PPP1R9A: variants seen among roughly 807,000 people sequenced by gnomAD.
PPP1R9A encodes protein phosphatase 1 regulatory subunit 9A.
Under a neutral mutation model 141.9 loss-of-function variants are expected in PPP1R9A, and 59 were observed. The ratio of observed to expected loss-of-function variants is 0.42; its 90% CI spans 0.34 to 0.52. PPP1R9A has a LOEUF of 0.52. Ranked by LOEUF, PPP1R9A falls within the 20% of genes least tolerant of loss-of-function variation. The probability of loss-of-function intolerance (pLI) is 0.10; values close to 1 mark genes in which losing one functional copy is unlikely to be tolerated. For synonymous variants in PPP1R9A, 500 were observed against 569.7 expected (o/e 0.88, Z 1.74); for missense variants, 1,444 against 1,611.9 (o/e 0.90, Z 1.78).
rs1373125922 is a variant in PPP1R9A, at chr7:94,935,480, G to A, written c.1395+23972G>A. 2.0e-5 allele frequency among the ~76,000 whole-genome samples: 3 copies of A among 152,156 alleles called. No individual in the cohort carries two copies. The East Asian group carries it at 5.8e-4, about 29-fold the overall frequency. ...GAAAATCATAAAGCTATTAACGTAT[G>A]CAGGGCCCCTGAAAGACCACATTGT... On this transcript the variant is annotated intron_variant, in intron 2 of 19. Transcript: ENST00000433360.
In PPP1R9A at chr7:95,041,658, G is replaced by T. The variant is rs967178377; in HGVS notation, c.1396-69601G>T. Among the ~76,000 whole-genome samples the T allele has an allele frequency of 4.6e-5, 7 of 151,922 alleles. No individual in the cohort carries two copies. In the East Asian group the frequency reaches 1.4e-3, roughly 29 times the overall value. ...AGTTTTCTTTTATTTGTAGTTTCTC[G>T]TAACTAGAAATCTCATGCTTTTCTG... On this transcript the variant is annotated intron_variant, in intron 2 of 19. Coordinates refer to ENST00000433360, the MANE Select transcript of PPP1R9A (RefSeq NM_001166160.2).
At chr7:95,273,471 G>A (rs1043540933) in intron 14 of PPP1R9A, among the ~76,000 whole-genome samples, 21 of 152,146 alleles carry the variant, frequency 1.4e-4, no homozygotes, top group South Asian at 2.1e-4. Flanking sequence ...TTGGAGATAC[G>A]GGAGAAGTGG....
rs539492736 is a variant in PPP1R9A at position 94,976,250 on chromosome 7, C to CA, written c.1395+64747dup. On this transcript the variant is annotated intron_variant, in intron 2 of 19. Coordinates refer to ENST00000433360, the MANE Select transcript of PPP1R9A (RefSeq NM_001166160.2). ...AAATTATTAATAACATAAAATAATACAAAAATTATTACGGCATTGTTTATT... is the reference window on the plus strand; with the variant it reads ...AAATTATTAATAACATAAAATAATACAAAAAATTATTACGGCATTGTTTATT... 5.2e-3 allele frequency among the ~76,000 whole-genome samples: 789 copies of CA among 151,780 alleles called. 7 individuals are homozygous for CA. Among genetic ancestry groups the CA allele is most frequent in the African/African-American group, 0.018 (738 of 41,418 alleles).
intron 2 of PPP1R9A, among the ~76,000 whole-genome samples, chr7:95,104,426 A>G (rs1331181550): frequency 6.6e-6 from 1 of 152,154 alleles, no homozygotes; most frequent in African/African-American, 2.4e-5. Flanking sequence ...TGTTTTTTGC[A>G]CCTTCCAGTT....
Position 95,219,946 on chromosome 7 carries a change from T to G in PPP1R9A, c.1957-6015T>G, listed in dbSNP as rs568463613. ...GAGAAATAAGGGATGGTGAAAACAA[T>G]CATAATCATAACGTCATGCAGTCAG... On this transcript the variant is annotated intron_variant, in intron 7 of 19. Coordinates refer to ENST00000433360, the MANE Select transcript of PPP1R9A (RefSeq NM_001166160.2). Among the ~76,000 whole-genome samples, 185 of 152,224 alleles carry G rather than the reference T, an allele frequency of 1.2e-3. 4 individuals carry two copies. The South Asian group carries it at 0.038, about 31-fold the overall frequency.
At chr7:94,911,764 G>A (rs1028284461) in intron 2 of PPP1R9A, among the ~76,000 whole-genome samples, 2 of 152,188 alleles carry the variant, frequency 1.3e-5, no homozygotes, top group Non-Finnish European at 2.9e-5. Context: ...CGGGAATTGT[G>A]AGATACGTTC....
At chr7:95,010,625 TG>T (rs1390017631) in intron 2 of PPP1R9A, among the ~76,000 whole-genome samples, 1 of 152,142 alleles carries the variant, frequency 6.6e-6, no homozygotes, top group African/African-American at 2.4e-5. Flanking sequence ...ATATTGAAAA[TG>T]TATGTTAGCA....
At chr7:95,110,899 T>C (rs995588595) in intron 2 of PPP1R9A, among the ~76,000 whole-genome samples, 3 of 152,158 alleles carry the variant, frequency 2.0e-5, no homozygotes, top group Non-Finnish European at 2.9e-5. Flanking sequence ...AGGTATTTGC[T>C]TAGGTAGCTT....
intron 2 of PPP1R9A, among the ~76,000 whole-genome samples, chr7:95,097,576 A>C (rs770619990): frequency 6.6e-6 from 1 of 152,218 alleles, no homozygotes; most frequent in East Asian, 1.9e-4. Context: ...GATATGATAC[A>C]TACATATGTG....
intron 2 of PPP1R9A, among the ~76,000 whole-genome samples, chr7:94,993,990 G>T (rs1387058332): frequency 6.6e-6 from 1 of 152,132 alleles, no homozygotes; most frequent in East Asian, 1.9e-4. Context: ...CCATTACAAG[G>T]TTTATGGCTG....
intron 2 of PPP1R9A, among the ~76,000 whole-genome samples, chr7:95,062,347 A>T (rs547253859): frequency 3.9e-5 from 6 of 152,264 alleles, no homozygotes; most frequent in Non-Finnish European, 7.4e-5. Context: ...TGTGAAAGAG[A>T]ACCCAAAATG....
intron 5 of PPP1R9A, among the ~76,000 whole-genome samples, chr7:95,192,707 T>C (rs1835684234): frequency 6.6e-6 from 1 of 152,214 alleles, no homozygotes; most frequent in African/African-American, 2.4e-5. Flanking sequence ...ATTTATAGTT[T>C]GGTGGATTTG....
chr7:94,971,283 G>A (rs771004908), intron 2 of PPP1R9A, among the ~76,000 whole-genome samples: 8 of 152,228 alleles, frequency 5.3e-5, no homozygotes, highest in Admixed American at 1.3e-4. Context: ...TAATCCTCAG[G>A]TAGTCAGCCA....
At chr7:95,246,406 C>T (rs946935522) in intron 8 of PPP1R9A, among the ~76,000 whole-genome samples, 6 of 152,154 alleles carry the variant, frequency 3.9e-5, no homozygotes, top group South Asian at 2.1e-4. Context: ...AAATCCAAAA[C>T]GCTCCCAGTC....
chr7:94,971,054 A>G (rs1798804773), intron 2 of PPP1R9A, among the ~76,000 whole-genome samples: 2 of 152,140 alleles, frequency 1.3e-5, no homozygotes, highest in South Asian at 4.1e-4. Context: ...ACTTGGGGAT[A>G]GTCTGTCTTC....
chr7:95,039,573 TA>T (rs1191074408), intron 2 of PPP1R9A, among the ~76,000 whole-genome samples: 5 of 148,668 alleles, frequency 3.4e-5, no homozygotes, highest in African/African-American at 1.0e-4. Flanking sequence ...AAAAAAAAAG[TA>T]TTAAAAGGAA....
intron 8 of PPP1R9A, among the ~76,000 whole-genome samples, chr7:95,245,002 G>C (rs1392108545): frequency 6.6e-6 from 1 of 152,158 alleles, no homozygotes; most frequent in Non-Finnish European, 1.5e-5. Context: ...AATTCAAGCA[G>C]TCTAAGTTAA....
At chr7:95,255,922 T>C (rs1799520819) in intron 12 of PPP1R9A, among the ~76,000 whole-genome samples, 1 of 152,110 alleles carries the variant, frequency 6.6e-6, no homozygotes. Context: ...TAGTCACTTG[T>C]AGGTTTGTAA....
At chr7:94,918,974 TAGGATTCAAGA>T (rs1191122313) in intron 2 of PPP1R9A, among the ~76,000 whole-genome samples, 1 of 152,156 alleles carries the variant, frequency 6.6e-6, no homozygotes, top group East Asian at 1.9e-4. Context: ...GAGGAGACAG[TAGGATTCAAGA>T]AGAATGAAAT....
Sources: gnomAD v4.1 joint callset for allele counts (sites outside exome capture counted in the v4.1 genomes callset) on GRCh38, gnomAD v4.1.1 for gene constraint, MANE v1.5 for transcripts, NCBI Gene and HGNC (gene_info 2026-07-23, HGNC 2026-07-21) for gene names.